The following STAB2 variants were observed in gnomAD, a reference collection of about 807,000 sequenced individuals.
The protein encoded by STAB2 is stabilin 2, also known as stabilin-2.
In STAB2, 288 loss-of-function variants were observed where a neutral mutation model predicts 338.1. The ratio of observed to expected loss-of-function variants is 0.85; its 90% CI spans 0.77 to 0.94. The LOEUF is 0.94. Ranked by LOEUF, STAB2 falls within the 40% of genes least tolerant of loss-of-function variation. The pLI, the probability that STAB2 is intolerant of heterozygous loss-of-function variation, is 0.00. For synonymous variants in STAB2, 1,202 were observed against 1,193.3 expected, an observed-to-expected ratio of 1.01 and a Z score of -0.15; for missense variants, 3,141 against 3,210.1, an observed-to-expected ratio of 0.98 and a Z score of 0.52.
At chr12:103,642,879 C>T (rs979955377) in intron 9 of STAB2, among the ~76,000 whole-genome samples, 2 of 152,216 alleles carry the variant, frequency 1.3e-5, no homozygotes, top group Non-Finnish European at 2.9e-5. Flanking sequence ...AGTGGCTGTT[C>T]ATAGCAGGTG....
intron 47 of STAB2, 60 bp from the exon 48 acceptor site, chr12:103,728,788 AT>A (rs1245476823): frequency 6.2e-7 from 1 of 1,602,284 alleles, no homozygotes; most frequent in Non-Finnish European, 8.5e-7. Flanking sequence ...GGAGAGCCAA[AT>A]GGCACATTGC....
chr12:103,705,694 T>C lies in STAB2; in HGVS notation c.3963T>C (p.Ile1321=). ...TCATGGGAAGACGAACCCTGTTTAT[T>C]GGGTGCCAGCCAAAATGTGTGAGAA... is the stretch of plus-strand genomic sequence containing the variant. The part of the protein sequence containing the change: ...SYFMGRRTLF[I]GCQPKCVRTV... The change falls in exon 37 of 69, where the codon ATT becomes ATC. Residue 1321 remains isoleucine, a synonymous_variant. Coordinates refer to ENST00000388887, the MANE Select transcript of STAB2 (RefSeq NM_017564.10). 1 of 1,614,214 alleles carries C rather than the reference T, an allele frequency of 6.2e-7. No homozygotes were observed. Among genetic ancestry groups the C allele is most frequent in the East Asian group, 2.2e-5 (1 of 44,886 alleles).
At chr12:103,588,815 CAATT>C (rs1956753000) in intron 1 of STAB2, among the ~76,000 whole-genome samples, 1 of 152,148 alleles carries the variant, frequency 6.6e-6, no homozygotes, top group Non-Finnish European at 1.5e-5. Context: ...GGTGTCCTGA[CAATT>C]AAAGGAGGTT....
chr12:103,711,219 ACT>A (rs1879825842), intron 39 of STAB2: 1 of 505,764 alleles, frequency 2.0e-6, no homozygotes, highest in South Asian at 3.0e-5. Flanking sequence ...TGTTTTATTC[ACT>A]CTTGCATCCT....
At chr12:103,738,597 A>G (rs1229368030) in intron 53 of STAB2, among the ~76,000 whole-genome samples, 1 of 152,246 alleles carries the variant, frequency 6.6e-6, no homozygotes. Context: ...GTAGGAGATG[A>G]AACCAGTTGT....
chr12:103,743,690 A>G (rs1225930803), intron 56 of STAB2, among the ~76,000 whole-genome samples: 4 of 152,192 alleles, frequency 2.6e-5, no homozygotes, highest in Non-Finnish European at 5.9e-5. Context: ...GTTTAATTAA[A>G]TTTAAATAGC....
chr12:103,710,496 CTG>C lies in STAB2; in HGVS notation c.4289-972_4289-971del, dbSNP rs200052000. On this transcript the variant is annotated intron_variant, in intron 39 of 68. Transcript: ENST00000388887. The stretch of plus-strand genomic sequence containing the variant: ...TAATCAATCATGACACTCCCTCCCT[CTG>C]TGACCAGCCAGGGGCACCCAACCCT... Among the ~76,000 whole-genome samples the C allele has an allele frequency of 7.9e-5, 12 of 152,356 alleles. No homozygotes were observed. The East Asian group carries it at 2.1e-3, about 27-fold the overall frequency.
At chr12:103,706,406 A>C (rs1000834107) in intron 37 of STAB2, among the ~76,000 whole-genome samples, 1 of 152,196 alleles carries the variant, frequency 6.6e-6, no homozygotes, top group Non-Finnish European at 1.5e-5. Context: ...GTAGTAGACG[A>C]AATAACATCG....
intron 5 of STAB2, among the ~76,000 whole-genome samples, chr12:103,625,593 A>G (rs11111686): frequency 0.16 from 23,725 of 151,986 alleles, 2,026 homozygotes; most frequent in South Asian, 0.21. Flanking sequence ...CCTACCTATG[A>G]GTGAGAACAT....
rs374001698 is a variant in STAB2 at position 103,640,159 on chromosome 12, G to A, written c.943G>A (p.Val315Ile). The change falls in exon 9 of 69, where the codon GTA becomes ATA. Residue 315 changes from valine (V) to isoleucine (I), a missense_variant. Val to Ile is a conservative substitution (Grantham distance 29). Coordinates refer to ENST00000388887, the MANE Select transcript of STAB2 (RefSeq NM_017564.10). ...GTGTAAGGAGCATTACCAGAATTTC[G>A]TACCTGGAGTGGGGTGCAGTATGAC... The part of the protein sequence containing the change: ...CECKEHYQNF[V>I]PGVGCSMTDI... The A allele has an allele frequency of 1.6e-5, 26 of 1,613,222 alleles. 1 individual carries two copies. The highest frequency in any genetic ancestry group is 9.9e-5 in the South Asian group (9 of 90,962).
intron 8 of STAB2, among the ~76,000 whole-genome samples, chr12:103,639,831 C>T (rs1872777872): frequency 6.6e-6 from 1 of 151,978 alleles, no homozygotes; most frequent in African/African-American, 2.4e-5. Flanking sequence ...AATTTCTGCT[C>T]ACCTATAGAC....
intron 31 of STAB2, among the ~76,000 whole-genome samples, chr12:103,694,990 C>G (rs1407700321): frequency 6.6e-6 from 1 of 151,656 alleles, no homozygotes; most frequent in Non-Finnish European, 1.5e-5. Context: ...GAAATTCAGA[C>G]TGATTTTTTT....
intron 3 of STAB2, among the ~76,000 whole-genome samples, chr12:103,601,153 C>T (rs1956948357): frequency 9.7e-6 from 1 of 103,548 alleles, no homozygotes; most frequent in South Asian, 3.1e-4. Flanking sequence ...ATAACAACTT[C>T]ATAAGGCTAT....
intron 57 of STAB2, 143 bp downstream of exon 57, chr12:103,745,420 G>C: frequency 1.4e-6 from 1 of 693,912 alleles, no homozygotes; most frequent in East Asian, 3.0e-5. Flanking sequence ...ATTCAGATCT[G>C]TAGCCCCGGG....
intron 31 of STAB2, 119 bp from the exon 32 acceptor site, chr12:103,695,431 G>T: frequency 1.2e-6 from 1 of 823,504 alleles, no homozygotes. Context: ...TCAAAAGGTT[G>T]TCAATGTCAA....
At position 103,675,781 on chromosome 12, in the gene STAB2, C is replaced by T. The variant is rs575539406; in HGVS notation, c.2553-147C>T. 1.9e-5 allele frequency: 11 copies of T among 584,442 alleles called. No homozygotes were observed. In the East Asian group the frequency reaches 2.4e-4, roughly 13 times the overall value. The allele number at this position is 584,442 out of a possible 1,614,324, so 36.2% of individuals were successfully genotyped here. On this transcript the variant is annotated intron_variant, in intron 23 of 68. Coordinates refer to ENST00000388887, the MANE Select transcript of STAB2 (RefSeq NM_017564.10). ...TATCTGATTACAGATCCCAGAAGTA[C>T]CCCGACCACATTTGAGCGCTGGCTT...
At chr12:103,713,843 G>T (rs990174129) in intron 42 of STAB2, 75 bp downstream of exon 42, 1 of 1,578,296 alleles carries the variant, frequency 6.3e-7, no homozygotes, top group Non-Finnish European at 8.6e-7. Flanking sequence ...CAACGTGTGT[G>T]CCCTGATTAT....
At chr12:103,588,558 C>A (rs1956748743) in intron 1 of STAB2, among the ~76,000 whole-genome samples, 1 of 152,140 alleles carries the variant, frequency 6.6e-6, no homozygotes. Context: ...ACACAGAAAT[C>A]AGACCTTAAC....
intron 22 of STAB2, among the ~76,000 whole-genome samples, chr12:103,672,879 C>T (rs370021156): frequency 2.0e-5 from 3 of 152,140 alleles, no homozygotes; most frequent in East Asian, 1.9e-4. Flanking sequence ...CAGTCACGAA[C>T]GGAAATGGAC....
Sources: allele counts gnomAD v4.1 joint callset (sites outside exome capture counted in the v4.1 genomes callset), GRCh38; gene constraint gnomAD v4.1.1; transcripts MANE v1.5; gene names NCBI Gene and HGNC (gene_info 2026-07-23, HGNC 2026-07-21).